IL1RAPL2: variants seen among roughly 807,000 people sequenced by gnomAD.
The protein encoded by IL1RAPL2 is interleukin 1 receptor accessory protein like 2, also known as X-linked interleukin-1 receptor accessory protein-like 2.
In IL1RAPL2, 3 loss-of-function variants were observed where a neutral mutation model predicts 44.1. The ratio of observed to expected loss-of-function variants is 0.07; its 90% CI spans 0.03 to 0.18. The LOEUF (loss-of-function observed/expected upper bound fraction) is 0.18. IL1RAPL2 is among the 10% of genes least tolerant of loss of function. IL1RAPL2 has a pLI of 1.00. For synonymous variants in IL1RAPL2, 181 were observed against 178.8 expected (o/e 1.01, Z -0.10); for missense variants, 391 against 496.4 (o/e 0.79, Z 2.02).
chrX:105,021,986 T>C (rs2031288582), intron 2 of IL1RAPL2, among the ~76,000 whole-genome samples: 1 of 110,931 alleles, frequency 9.0e-6, no homozygotes, highest in Non-Finnish European at 1.9e-5. Context: ...ATTGTAGGAA[T>C]TGGTAAGTGT....
At chrX:105,158,454 C>G (rs190062708) in intron 2 of IL1RAPL2, among the ~76,000 whole-genome samples, 148 of 112,650 alleles carry the variant, frequency 1.3e-3, no homozygotes, top group Middle Eastern at 9.1e-3. Flanking sequence ...TTTCCCTCAT[C>G]TACTCCTTGT....
chrX:105,038,621 TG>T (rs1479920640), intron 2 of IL1RAPL2, among the ~76,000 whole-genome samples: 1 of 110,747 alleles, frequency 9.0e-6, no homozygotes, highest in Non-Finnish European at 1.9e-5. Context: ...TCGGAGGTTT[TG>T]GGGTACAGAT....
intron 5 of IL1RAPL2, among the ~76,000 whole-genome samples, chrX:105,418,720 C>G (rs999736410): frequency 6.3e-5 from 7 of 111,298 alleles, no homozygotes; most frequent in Non-Finnish European, 1.3e-4. Context: ...TACACTAATC[C>G]CAAGATGTAC....
chrX:104,703,298 A>G (rs1931309422), intron 2 of IL1RAPL2, among the ~76,000 whole-genome samples: 1 of 111,620 alleles, frequency 9.0e-6, no homozygotes, highest in Non-Finnish European at 1.9e-5. Context: ...TCAACTATAA[A>G]GGACTGGGCA....
chrX:105,319,285 C>T (rs1423923832), intron 5 of IL1RAPL2, among the ~76,000 whole-genome samples: 4 of 111,888 alleles, frequency 3.6e-5, no homozygotes, highest in South Asian at 7.4e-4. Flanking sequence ...AGGTCACCCA[C>T]GAAGCCCGTA....
intron 5 of IL1RAPL2, among the ~76,000 whole-genome samples, chrX:105,291,002 C>T (rs1242776674): frequency 9.0e-6 from 1 of 111,486 alleles, no homozygotes; most frequent in Non-Finnish European, 1.9e-5. Flanking sequence ...GGGCCCTTAG[C>T]CCCTCATAAA....
intron 2 of IL1RAPL2, among the ~76,000 whole-genome samples, chrX:104,947,809 G>T (rs1346831540): frequency 1.7e-4 from 19 of 112,086 alleles, no homozygotes; most frequent in Non-Finnish European, 3.4e-4. Flanking sequence ...ATGCTGTTTT[G>T]GTTACTGTAG....
intron 5 of IL1RAPL2, among the ~76,000 whole-genome samples, chrX:105,333,946 T>C (rs1346803298): frequency 8.9e-6 from 1 of 111,867 alleles, no homozygotes; most frequent in African/African-American, 3.2e-5. Context: ...GTACAACCAC[T>C]ATGGAGTCCA....
intron 2 of IL1RAPL2, among the ~76,000 whole-genome samples, chrX:105,041,895 CA>C (rs1475695080): frequency 4.5e-5 from 5 of 110,930 alleles, no homozygotes; most frequent in Admixed American, 1.9e-4. Context: ...ATCAATGGAA[CA>C]GAAGAGAGCC....
intron 2 of IL1RAPL2, among the ~76,000 whole-genome samples, chrX:104,936,133 G>C (rs758620057): frequency 9.0e-6 from 1 of 111,491 alleles, no homozygotes; most frequent in African/African-American, 3.3e-5. Context: ...CCTTTCAAAA[G>C]CACCATTACC....
chrX:104,785,316 T>A (rs778634936), intron 2 of IL1RAPL2, among the ~76,000 whole-genome samples: 10 of 112,181 alleles, frequency 8.9e-5, no homozygotes, highest in Non-Finnish European at 1.7e-4. Context: ...ATGCCGTGCC[T>A]GGCCTCTCTT....
At chrX:104,738,107 C>T (rs1932046816) in intron 2 of IL1RAPL2, among the ~76,000 whole-genome samples, 1 of 111,492 alleles carries the variant, frequency 9.0e-6, no homozygotes, top group African/African-American at 3.3e-5. Flanking sequence ...TTATCTAATG[C>T]TTCCACAGTG....
intron 1 of IL1RAPL2, among the ~76,000 whole-genome samples, chrX:104,599,549 A>AT (rs780711160): frequency 1.9e-5 from 2 of 107,722 alleles, no homozygotes; most frequent in Non-Finnish European, 3.8e-5. Flanking sequence ...TGCCTGGTTG[A>AT]TTTTTTTTTA....
chrX:104,893,092 G>A (rs2147666939), intron 2 of IL1RAPL2, among the ~76,000 whole-genome samples: 1 of 112,007 alleles, frequency 8.9e-6, no homozygotes, highest in Non-Finnish European at 1.9e-5. Flanking sequence ...CCATGTAGTT[G>A]AGTGGTTTTG....
intron 1 of IL1RAPL2, among the ~76,000 whole-genome samples, chrX:104,591,332 A>G (rs1231279928): frequency 9.0e-6 from 1 of 111,677 alleles, no homozygotes; most frequent in South Asian, 3.8e-4. Context: ...AAGTATAGCA[A>G]CAAAAAAAGG....
chrX:105,062,329 CT>C (rs2032085290), intron 2 of IL1RAPL2, among the ~76,000 whole-genome samples: 1 of 111,727 alleles, frequency 9.0e-6, no homozygotes, highest in African/African-American at 3.2e-5. Context: ...AACTCTACAC[CT>C]TTTTTGTCCT....
intron 5 of IL1RAPL2, among the ~76,000 whole-genome samples, chrX:105,278,155 G>T (rs1424831081): frequency 2.7e-5 from 3 of 111,863 alleles, no homozygotes; most frequent in African/African-American, 9.8e-5. Context: ...ATTCCTGTGG[G>T]CTTATTTTGC....
At chrX:104,883,941 G>A in intron 2 of IL1RAPL2, among the ~76,000 whole-genome samples, 1 of 111,788 alleles carries the variant, frequency 8.9e-6, no homozygotes, top group East Asian at 2.8e-4. Context: ...CCTCCCTCAG[G>A]GTATGGCCCT....
At chrX:105,363,305 TATAATATA>T (rs2035265660) in intron 5 of IL1RAPL2, among the ~76,000 whole-genome samples, 1 of 77,818 alleles carries the variant, frequency 1.3e-5, no homozygotes, top group Admixed American at 1.3e-4. Context: ...TATATATATA[TATAATATA>T]TATATATATA....
Sources: gnomAD v4.1 joint callset for allele counts (sites outside exome capture counted in the v4.1 genomes callset) on GRCh38, gnomAD v4.1.1 for gene constraint, MANE v1.5 for transcripts, NCBI Gene and HGNC (gene_info 2026-07-23, HGNC 2026-07-21) for gene names.